PRIM2: variants seen among roughly 807,000 people sequenced by gnomAD.
The protein encoded by PRIM2 is DNA primase large subunit.
A neutral mutation model predicts 67.3 loss-of-function variants in PRIM2; 39 were observed. That is an observed-to-expected ratio of 0.58 (90% confidence interval 0.45 to 0.76). The LOEUF is 0.76. Among genes scored for constraint, PRIM2 ranks in the 30% least tolerant of loss-of-function variants. The probability of loss-of-function intolerance (pLI) is 0.00; values close to 1 mark genes in which losing one functional copy is unlikely to be tolerated. For missense variants in PRIM2, 398 were observed against 598.7 expected, an observed-to-expected ratio of 0.66 and a Z score of 3.50; for synonymous variants, 143 against 198.7, an observed-to-expected ratio of 0.72 and a Z score of 2.36.
the PRIM2 span, among the ~76,000 whole-genome samples, chr6:57,304,859 C>A: frequency 1.3e-5 from 2 of 152,164 alleles, no homozygotes; most frequent in Non-Finnish European, 1.5e-5. Context: ...AGGAAAAAAT[C>A]ATGTTCCCTA....
chr6:57,489,843 A>G (rs1159840902), intron 7 of PRIM2, among the ~76,000 whole-genome samples: 1 of 152,260 alleles, frequency 6.6e-6, no homozygotes, highest in Non-Finnish European at 1.5e-5. Flanking sequence ...GGCTGTTGCA[A>G]ATTGGTATGT....
chr6:57,254,436 A>C, the PRIM2 span, among the ~76,000 whole-genome samples: 1 of 152,170 alleles, frequency 6.6e-6, no homozygotes, highest in Admixed American at 6.5e-5. Flanking sequence ...TTTGAGCACA[A>C]GGACAGTTTT....
At chr6:57,325,870 A>G (rs1293200787) in intron 4 of PRIM2, 55 bp from the exon 5 acceptor site, 1 of 1,489,556 alleles carries the variant, frequency 6.7e-7, no homozygotes, top group African/African-American at 1.4e-5. Flanking sequence ...CATTTCTTAG[A>G]TTTAATAATT....
At chr6:57,617,004 G>A (rs1352351115) in intron 12 of PRIM2, among the ~76,000 whole-genome samples, 5 of 152,100 alleles carry the variant, frequency 3.3e-5, no homozygotes, top group East Asian at 1.9e-4. Flanking sequence ...TTATCCATTC[G>A]TCCTTTGATG....
At chr6:57,540,094 A>T (rs1407333342) in intron 10 of PRIM2, among the ~76,000 whole-genome samples, 2 of 152,168 alleles carry the variant, frequency 1.3e-5, no homozygotes, top group African/African-American at 4.8e-5. Flanking sequence ...TCTTCAAGCG[A>T]TGTGAGAATT....
At chr6:57,338,578 C>T (rs1422314269) in intron 5 of PRIM2, among the ~76,000 whole-genome samples, 1 of 151,244 alleles carries the variant, frequency 6.6e-6, no homozygotes, top group Non-Finnish European at 1.5e-5. Flanking sequence ...AAATGTAATC[C>T]AGCATATAAA....
At chr6:57,440,950 ACAGTATCAGAT>A (rs1181670929) in intron 7 of PRIM2, among the ~76,000 whole-genome samples, 4 of 152,176 alleles carry the variant, frequency 2.6e-5, no homozygotes, top group African/African-American at 9.6e-5. Context: ...TTTGGCATAA[ACAGTATCAGAT>A]CCTCTCATTG....
At chr6:57,323,430 AAG>A (rs1767729426) in intron 3 of PRIM2, among the ~76,000 whole-genome samples, 1 of 152,120 alleles carries the variant, frequency 6.6e-6, no homozygotes, top group South Asian at 2.1e-4. Flanking sequence ...AGAAAATTAA[AAG>A]AGAGGGGTTG....
At chr6:57,363,844 C>G (rs1769270531) in intron 5 of PRIM2, among the ~76,000 whole-genome samples, 1 of 152,034 alleles carries the variant, frequency 6.6e-6, no homozygotes, top group Non-Finnish European at 1.5e-5. Flanking sequence ...TTTTAAACTT[C>G]CCTCTACCTG....
At chr6:57,228,673 G>A in the PRIM2 span, among the ~76,000 whole-genome samples, 4 of 152,136 alleles carry the variant, frequency 2.6e-5, no homozygotes, top group African/African-American at 9.7e-5. Flanking sequence ...CAACGTTATT[G>A]GGCTCTTACA....
chr6:57,308,220 T>G, the PRIM2 span, among the ~76,000 whole-genome samples: 1 of 151,754 alleles, frequency 6.6e-6, no homozygotes, highest in Admixed American at 6.6e-5. Context: ...CCTCCCAGCC[T>G]CAGGTGATCC....
the PRIM2 span, among the ~76,000 whole-genome samples, chr6:57,254,544 C>CCCTT: frequency 6.6e-6 from 1 of 152,202 alleles, no homozygotes; most frequent in Non-Finnish European, 1.5e-5. Context: ...CGAGCTAGTG[C>CCCTT]CCTTATACAA....
chr6:57,349,223 G>A (rs1020883110), intron 5 of PRIM2, among the ~76,000 whole-genome samples: 14 of 152,110 alleles, frequency 9.2e-5, no homozygotes, highest in African/African-American at 3.4e-4. Flanking sequence ...TAGCCTATGA[G>A]TTGAGGAAGA....
chr6:57,245,765 G>A, the PRIM2 span, among the ~76,000 whole-genome samples: 1 of 152,210 alleles, frequency 6.6e-6, no homozygotes, highest in Non-Finnish European at 1.5e-5. Flanking sequence ...CAGATGTAAA[G>A]GTTCTGATGC....
intron 5 of PRIM2, among the ~76,000 whole-genome samples, chr6:57,356,225 C>G (rs556668175): frequency 1.1e-4 from 17 of 152,278 alleles, no homozygotes; most frequent in African/African-American, 3.4e-4. Flanking sequence ...AGTTGTTTTT[C>G]TTCTCTGACT....
chr6:57,249,345 T>C, the PRIM2 span, among the ~76,000 whole-genome samples: 1 of 152,210 alleles, frequency 6.6e-6, no homozygotes, highest in East Asian at 1.9e-4. Context: ...TTTCAAAGCT[T>C]AGACTAGCTT....
intron 5 of PRIM2, among the ~76,000 whole-genome samples, chr6:57,361,947 G>A (rs981348303): frequency 3.9e-5 from 6 of 152,076 alleles, no homozygotes; most frequent in Admixed American, 1.3e-4. Context: ...GTAGGAAGGC[G>A]TCATTGAGCT....
the PRIM2 span, among the ~76,000 whole-genome samples, chr6:57,309,222 G>A: frequency 6.7e-6 from 1 of 150,134 alleles, no homozygotes; most frequent in East Asian, 2.0e-4. Flanking sequence ...CATGTGCCAT[G>A]CTGGTGCACT....
At chr6:57,235,401 T>C in the PRIM2 span, among the ~76,000 whole-genome samples, 1 of 151,506 alleles carries the variant, frequency 6.6e-6, no homozygotes, top group African/African-American at 2.4e-5. Context: ...GAGGGGGAGA[T>C]TGCAGTGAGC....
Sources: allele counts gnomAD v4.1 joint callset (sites outside exome capture counted in the v4.1 genomes callset), GRCh38; gene constraint gnomAD v4.1.1; transcripts MANE v1.5; gene names NCBI Gene and HGNC (gene_info 2026-07-23, HGNC 2026-07-21).